DGKI: variants seen among roughly 807,000 people sequenced by gnomAD.
The protein encoded by DGKI is DAG kinase iota.
In DGKI, 55 loss-of-function variants were observed where a neutral mutation model predicts 147.5. The observed-to-expected ratio is 0.37, with a 90% CI of 0.30 to 0.47. DGKI has a LOEUF of 0.47. DGKI is among the 20% of genes least tolerant of loss of function. DGKI has a pLI of 1.00. For synonymous variants in DGKI, 469 were observed against 477.1 expected, an observed-to-expected ratio of 0.98 and a Z score of 0.22; for missense variants, 1,007 against 1,323.8, an observed-to-expected ratio of 0.76 and a Z score of 3.71.
intron 32 of DGKI, among the ~76,000 whole-genome samples, chr7:137,392,663 T>C (rs1300402033): frequency 1.3e-5 from 2 of 152,182 alleles, no homozygotes; most frequent in East Asian, 1.9e-4. Context: ...TAGTTTGAAG[T>C]TCCTTGAATA....
chr7:137,584,560 G>A (rs958296536), intron 14 of DGKI, among the ~76,000 whole-genome samples: 5 of 152,214 alleles, frequency 3.3e-5, no homozygotes, highest in African/African-American at 1.2e-4. Context: ...GAGAGGGAAG[G>A]AGAGGGGCAA....
At chr7:137,483,668 C>T (rs1238610026) in intron 23 of DGKI, among the ~76,000 whole-genome samples, 1 of 152,068 alleles carries the variant, frequency 6.6e-6, no homozygotes, top group Non-Finnish European at 1.5e-5. Flanking sequence ...CATTGTTTAG[C>T]TACCACTTGT....
At position 137,409,538 on chromosome 7, in the gene DGKI, A is replaced by G. The variant is rs1812084091; in HGVS notation, c.2800-1543T>C. ...GCAGTAGCTGAATGGAGGTAAGGAC[A>G]ATGGAGGTAAGGAACATCCCTAAAC... On this transcript the variant is annotated intron_variant, in intron 29 of 32. Coordinates refer to ENST00000614521, the MANE Select transcript of DGKI (RefSeq NM_001321708.2). Among the ~76,000 whole-genome samples, 3 of 152,210 alleles carry G rather than the reference A, an allele frequency of 2.0e-5. No individual in the cohort carries two copies. The East Asian group carries it at 5.8e-4, about 29-fold the overall frequency.
chr7:137,693,257 A>G (rs765405453), intron 1 of DGKI, among the ~76,000 whole-genome samples: 5 of 152,078 alleles, frequency 3.3e-5, no homozygotes, highest in African/African-American at 1.2e-4. Context: ...AAAAAAATCA[A>G]TGGGGTTTCA....
At chr7:137,660,272 G>A (rs572034881) in intron 3 of DGKI, among the ~76,000 whole-genome samples, 1 of 152,172 alleles carries the variant, frequency 6.6e-6, no homozygotes, top group Admixed American at 6.5e-5. Flanking sequence ...ATGGAATACA[G>A]TATAGATCAC....
intron 23 of DGKI, 128 bp downstream of exon 23, chr7:137,485,246 A>T: frequency 1.3e-6 from 1 of 754,586 alleles, no homozygotes; most frequent in Non-Finnish European, 2.1e-6. Flanking sequence ...TACCATTTTC[A>T]CTAGATTCTT....
chr7:137,595,942 C>T (rs1243488838), intron 12 of DGKI, among the ~76,000 whole-genome samples: 5 of 122,150 alleles, frequency 4.1e-5, no homozygotes, highest in East Asian at 2.8e-4. Context: ...GCAGAGGTTG[C>T]AGTGAGCTGA....
At chr7:137,579,510 T>C (rs1276723628) in intron 15 of DGKI, among the ~76,000 whole-genome samples, 2 of 151,848 alleles carry the variant, frequency 1.3e-5, no homozygotes, top group African/African-American at 4.8e-5. Flanking sequence ...ATTTTTTAAT[T>C]TACTATTTAA....
At chr7:137,722,906 A>G (rs1473376941) in intron 1 of DGKI, 2 of 682,806 alleles carry the variant, frequency 2.9e-6, no homozygotes, top group African/African-American at 1.9e-5. Context: ...AAAAAAAAGT[A>G]TAGCATAGTG....
At chr7:137,641,564 T>C (rs933088944) in intron 6 of DGKI, among the ~76,000 whole-genome samples, 2 of 152,222 alleles carry the variant, frequency 1.3e-5, no homozygotes, top group Admixed American at 6.5e-5. Context: ...TGTGTTTAAG[T>C]GTAGCATGAA....
Position 137,561,472 on chromosome 7 carries a change from C to G in DGKI, c.1948-8904G>C, listed in dbSNP as rs533090901. On this transcript the variant is annotated intron_variant, in intron 19 of 32. Coordinates refer to ENST00000614521, the MANE Select transcript of DGKI (RefSeq NM_001321708.2). ...CTTGTTAAAGGATACAAAATTAAAA[C>G]AAGATAGAAGAAATAAATTTTAGTG... Among the ~76,000 whole-genome samples the G allele has an allele frequency of 9.2e-5, 14 of 152,092 alleles. No individual in the cohort carries two copies. The South Asian group carries it at 2.9e-3, about 32-fold the overall frequency.
intron 5 of DGKI, among the ~76,000 whole-genome samples, chr7:137,647,503 G>A (rs1426280741): frequency 6.6e-6 from 1 of 152,194 alleles, no homozygotes; most frequent in Non-Finnish European, 1.5e-5. Context: ...AGAATGCTGG[G>A]CTGGGCCCAG....
intron 20 of DGKI, among the ~76,000 whole-genome samples, chr7:137,525,198 G>T (rs1817100907): frequency 6.6e-6 from 1 of 152,104 alleles, no homozygotes; most frequent in African/African-American, 2.4e-5. Flanking sequence ...CAAGACAGAA[G>T]AAATCAGACT....
chr7:137,719,338 G>A (rs2116605661), intron 1 of DGKI, among the ~76,000 whole-genome samples: 1 of 152,156 alleles, frequency 6.6e-6, no homozygotes, highest in South Asian at 2.1e-4. Context: ...TTTAAAACCA[G>A]ATGATTTTCT....
intron 6 of DGKI, among the ~76,000 whole-genome samples, chr7:137,632,581 G>A (rs576289858): frequency 3.9e-5 from 6 of 152,074 alleles, no homozygotes; most frequent in South Asian, 2.1e-4. Flanking sequence ...GATACAGGCC[G>A]GGCATGGTGG....
chr7:137,821,634 T>G, intron 1 of DGKI, among the ~76,000 whole-genome samples: 1 of 100,118 alleles, frequency 1.0e-5, no homozygotes. Context: ...GTCAAGGAAA[T>G]AAAAGACATA....
intron 10 of DGKI, among the ~76,000 whole-genome samples, chr7:137,605,397 C>A (rs1384823534): frequency 6.8e-6 from 1 of 146,390 alleles, no homozygotes; most frequent in Non-Finnish European, 1.5e-5. Context: ...AAATTTTGGT[C>A]CCTGATTCCT....
intron 28 of DGKI, among the ~76,000 whole-genome samples, chr7:137,438,736 T>C (rs1048896657): frequency 3.9e-5 from 6 of 152,120 alleles, no homozygotes; most frequent in Non-Finnish European, 7.4e-5. Context: ...ACTCATACAA[T>C]AGAGTAGTAT....
At chr7:137,474,236 CA>C (rs780407122) in intron 23 of DGKI, among the ~76,000 whole-genome samples, 9 of 151,864 alleles carry the variant, frequency 5.9e-5, no homozygotes, top group African/African-American at 1.9e-4. Context: ...CATCAAGTCT[CA>C]AAAAAAATTG....
Sources: gnomAD v4.1 joint callset for allele counts (sites outside exome capture counted in the v4.1 genomes callset) on GRCh38, gnomAD v4.1.1 for gene constraint, MANE v1.5 for transcripts, NCBI Gene and HGNC (gene_info 2026-07-23, HGNC 2026-07-21) for gene names.